The following LRMDA variants were observed in gnomAD, a reference collection of about 807,000 sequenced individuals.
The protein encoded by LRMDA is leucine rich melanocyte differentiation associated, also known as leucine-rich melanocyte differentiation-associated protein.
In LRMDA, 18 loss-of-function variants were observed where a neutral mutation model predicts 29.8. The ratio of observed to expected loss-of-function variants is 0.60; its 90% CI spans 0.42 to 0.90. LRMDA has a LOEUF of 0.90. Among genes scored for constraint, LRMDA ranks in the 40% least tolerant of loss-of-function variants. The pLI, the probability that LRMDA is intolerant of heterozygous loss-of-function variation, is 0.00. For missense variants in LRMDA, 273 were observed against 273.9 expected (o/e 1.00, Z 0.02); for synonymous variants, 125 against 109.4 (o/e 1.14, Z -0.89).
chr10:75,702,554 C>A (rs1842321575), intron 2 of LRMDA, among the ~76,000 whole-genome samples: 2 of 152,076 alleles, frequency 1.3e-5, no homozygotes, highest in Admixed American at 6.5e-5. Flanking sequence ...CCGAGGCCAA[C>A]TGTGGAAGGA....
At chr10:75,475,792 C>T (rs535823470) in intron 2 of LRMDA, among the ~76,000 whole-genome samples, 3 of 152,192 alleles carry the variant, frequency 2.0e-5, no homozygotes, top group African/African-American at 7.2e-5. Context: ...CAGGAGGTGT[C>T]ACTGAAGTTT....
intron 2 of LRMDA, among the ~76,000 whole-genome samples, chr10:75,701,683 T>A (rs1026826668): frequency 6.6e-6 from 1 of 152,300 alleles, no homozygotes; most frequent in African/African-American, 2.4e-5. Context: ...ACTAGCTGAA[T>A]CATGAGCTGA....
chr10:75,953,163 C>T (rs1589265081), intron 2 of LRMDA, among the ~76,000 whole-genome samples: 1 of 152,198 alleles, frequency 6.6e-6, no homozygotes, highest in East Asian at 1.9e-4. Flanking sequence ...GCCTTGACCT[C>T]CTGGGCTCAA....
Position 76,070,837 on chromosome 10 carries a change from G to A in LRMDA, c.516+12054G>A, listed in dbSNP as rs942680431. On this transcript the variant is annotated intron_variant, in intron 5 of 6. Coordinates refer to ENST00000611255, the MANE Select transcript of LRMDA (RefSeq NM_001305581.2). ...GCTCCTGAGCTTGGGCATCTCCTCA[G>A]CCACCGCACGAGACCCTTTTGTTCT... Among the ~76,000 whole-genome samples, 3 of 152,316 alleles carry A rather than the reference G, an allele frequency of 2.0e-5. 1 individual carries two copies. Among genetic ancestry groups the A allele is most frequent in the Non-Finnish European group, 1.5e-5 (1 of 68,034 alleles).
intron 2 of LRMDA, among the ~76,000 whole-genome samples, chr10:75,772,978 T>A (rs193067696): frequency 4.6e-5 from 7 of 152,060 alleles, no homozygotes; most frequent in Admixed American, 4.6e-4. Context: ...TGAGTAAAAT[T>A]TAAGAAAAAT....
intron 6 of LRMDA, among the ~76,000 whole-genome samples, chr10:76,345,631 T>C (rs1229150571): frequency 1.3e-5 from 2 of 151,978 alleles, no homozygotes; most frequent in African/African-American, 4.8e-5. Flanking sequence ...TGACAATTTA[T>C]GGATGGGAAA....
intron 2 of LRMDA, among the ~76,000 whole-genome samples, chr10:75,584,907 AGCAGTTCAGGT>A (rs1232922589): frequency 6.6e-6 from 1 of 152,230 alleles, no homozygotes; most frequent in Non-Finnish European, 1.5e-5. Context: ...ACTTTGGGGC[AGCAGTTCAGGT>A]ACCTGATGCT....
At chr10:76,426,487 A>C (rs569058279) in intron 6 of LRMDA, among the ~76,000 whole-genome samples, 1 of 151,874 alleles carries the variant, frequency 6.6e-6, no homozygotes, top group African/African-American at 2.4e-5. Flanking sequence ...AGTTCATTGT[A>C]GATTCTGGAT....
chr10:76,014,231 C>T (rs1417614743), intron 2 of LRMDA, among the ~76,000 whole-genome samples: 10 of 148,074 alleles, frequency 6.8e-5, no homozygotes, highest in Admixed American at 5.5e-4. Context: ...CTACATGGAG[C>T]TGAGTCTTAA....
chr10:76,363,672 C>A (rs1204204160), intron 6 of LRMDA, among the ~76,000 whole-genome samples: 1 of 152,026 alleles, frequency 6.6e-6, no homozygotes, highest in Non-Finnish European at 1.5e-5. Context: ...TCCCCCACCT[C>A]CTTTCTTTCT....
chr10:75,606,627 C>T (rs1375007982), intron 2 of LRMDA, among the ~76,000 whole-genome samples: 2 of 152,148 alleles, frequency 1.3e-5, no homozygotes, highest in African/African-American at 4.8e-5. Flanking sequence ...ACTATGTCTC[C>T]CAGAGCTGCC....
At chr10:75,559,286 TG>T (rs1286544406) in intron 2 of LRMDA, among the ~76,000 whole-genome samples, 1 of 150,834 alleles carries the variant, frequency 6.6e-6, no homozygotes, top group Non-Finnish European at 1.5e-5. Flanking sequence ...TGGCCAGTGA[TG>T]GTGAGCATTT....
At chr10:75,600,037 A>G (rs1403728547) in intron 2 of LRMDA, among the ~76,000 whole-genome samples, 1 of 152,220 alleles carries the variant, frequency 6.6e-6, no homozygotes, top group Non-Finnish European at 1.5e-5. Flanking sequence ...CATTTTACAG[A>G]TGGGAAAACC....
At chr10:76,164,178 G>A (rs2132182545) in intron 5 of LRMDA, among the ~76,000 whole-genome samples, 2 of 152,186 alleles carry the variant, frequency 1.3e-5, no homozygotes, top group Non-Finnish European at 2.9e-5. Context: ...AGGTCCCAAG[G>A]TGAGTTTCCT....
At chr10:76,482,828 G>A (rs547842596) in intron 6 of LRMDA, among the ~76,000 whole-genome samples, 18 of 151,962 alleles carry the variant, frequency 1.2e-4, no homozygotes, top group Non-Finnish European at 2.4e-4. Context: ...CATACAGCAT[G>A]TTGTTCAATA....
At chr10:75,757,904 A>G (rs932409941) in intron 2 of LRMDA, among the ~76,000 whole-genome samples, 1 of 151,660 alleles carries the variant, frequency 6.6e-6, no homozygotes, top group African/African-American at 2.4e-5. Flanking sequence ...GGTTCAAGCA[A>G]TTCTCCTTCC....
Position 76,496,799 on chromosome 10 carries a change from A to AAG in LRMDA, c.602-60406_602-60405dup, listed in dbSNP as rs541495859. Among the ~76,000 whole-genome samples the AAG allele has an allele frequency of 7.4e-3, 556 of 75,106 alleles. 160 individuals carry two copies. The highest frequency in any genetic ancestry group is 0.016 in the African/African-American group (490 of 30,826). The allele number at this position is 75,106 out of a possible 152,430, so 49.3% of individuals were successfully genotyped here. On this transcript the variant is annotated intron_variant, in intron 6 of 6. Transcript: ENST00000611255. ...GGGTGTTGGAGTGTTTGTCATGCCA[A>AAG]AGAGAATCTGCATGTGTGACTAATA...
chr10:76,463,917 A>ATTTT lies in LRMDA; in HGVS notation c.602-93278_602-93275dup, dbSNP rs763472626. On this transcript the variant is annotated intron_variant, in intron 6 of 6. Transcript: ENST00000611255. ...CTGGCACACAGTAGGTGCAAAATAA[A>ATTTT]TTTTTTTTTTTTTTTTTGTGAGATG... 1.7e-3 allele frequency among the ~76,000 whole-genome samples: 194 copies of ATTTT among 112,884 alleles called. 4 individuals carry two copies. The highest frequency in any genetic ancestry group is 5.6e-3 in the African/African-American group (174 of 30,842). The allele number at this position is 112,884 out of a possible 152,430, so 74.1% of individuals were successfully genotyped here.
intron 2 of LRMDA, among the ~76,000 whole-genome samples, chr10:75,912,322 T>A (rs578058899): frequency 6.6e-6 from 1 of 152,294 alleles, no homozygotes; most frequent in African/African-American, 2.4e-5. Context: ...TTGATTGAAG[T>A]AAATTTCTGA....
Sources: gnomAD v4.1 joint callset for allele counts (sites outside exome capture counted in the v4.1 genomes callset) on GRCh38, gnomAD v4.1.1 for gene constraint, MANE v1.5 for transcripts, NCBI Gene and HGNC (gene_info 2026-07-23, HGNC 2026-07-21) for gene names.